Variants in ANKFN1 observed in about 807,000 individuals in gnomAD.
ANKFN1 encodes the protein ankyrin repeat and fibronectin type III domain containing 1.
ANKFN1 carries 74 observed loss-of-function variants against 108.7 expected under a neutral mutation model. That is an observed-to-expected ratio of 0.68 (90% CI 0.56 to 0.83). The LOEUF is 0.83. ANKFN1 is among the 40% of genes least tolerant of loss of function. The pLI, the probability that ANKFN1 is intolerant of heterozygous loss-of-function variation, is 0.00. For synonymous variants in ANKFN1, 547 were observed against 516.2 expected (o/e 1.06, Z -0.81); for missense variants, 1,505 against 1,382.3 (o/e 1.09, Z -1.41).
chr17:56,305,333 T>TC (rs2044790520), intron 3 of ANKFN1, among the ~76,000 whole-genome samples: 1 of 152,192 alleles, frequency 6.6e-6, no homozygotes, highest in Admixed American at 6.5e-5. Flanking sequence ...CCAAACCATA[T>TC]CGTATGGCTT....
At chr17:56,136,322 A>G (rs1025838205) in intron 4 of ANKFN1, among the ~76,000 whole-genome samples, 2 of 152,218 alleles carry the variant, frequency 1.3e-5, no homozygotes, top group African/African-American at 4.8e-5. Flanking sequence ...CAGCTATTCC[A>G]GCTGAAGGTC....
chr17:56,220,183 A>T (rs1351541706), intron 2 of ANKFN1, among the ~76,000 whole-genome samples: 1 of 152,262 alleles, frequency 6.6e-6, no homozygotes, highest in African/African-American at 2.4e-5. Flanking sequence ...GGAGGTCATC[A>T]CTTATTGATC....
chr17:56,507,641 C>T (rs978671458), intron 20 of ANKFN1, among the ~76,000 whole-genome samples: 4 of 152,186 alleles, frequency 2.6e-5, no homozygotes, highest in African/African-American at 9.7e-5. Flanking sequence ...TACCACCCAA[C>T]CCAAATCAGG....
At chr17:56,441,628 A>C (rs948145922) in intron 9 of ANKFN1, among the ~76,000 whole-genome samples, 6 of 151,976 alleles carry the variant, frequency 3.9e-5, no homozygotes, top group African/African-American at 1.4e-4. Flanking sequence ...TAAAAGAAAA[A>C]GTGATATGTG....
chr17:56,378,377 A>G (rs1420062551), intron 8 of ANKFN1, among the ~76,000 whole-genome samples: 1 of 152,184 alleles, frequency 6.6e-6, no homozygotes, highest in Non-Finnish European at 1.5e-5. Flanking sequence ...ACAAGAATGG[A>G]GAAAACCCTG....
At chr17:56,425,127 TAAA>T (rs59432133) in intron 8 of ANKFN1, among the ~76,000 whole-genome samples, 2,885 of 139,792 alleles carry the variant, frequency 0.021, 79 homozygotes, top group African/African-American at 0.069. Flanking sequence ...AGCTCTTAGT[TAAA>T]AAAAAAAAAA....
intron 3 of ANKFN1, among the ~76,000 whole-genome samples, chr17:56,292,423 G>A (rs1026701247): frequency 6.6e-6 from 1 of 152,224 alleles, no homozygotes; most frequent in Non-Finnish European, 1.5e-5. Flanking sequence ...GACCGTGCCT[G>A]GGGGAAATAA....
At chr17:56,462,486 C>T (rs1198860389) in intron 14 of ANKFN1, among the ~76,000 whole-genome samples, 4 of 152,038 alleles carry the variant, frequency 2.6e-5, no homozygotes, top group African/African-American at 4.8e-5. Flanking sequence ...CCCTGCTGCT[C>T]GGGAGGCTAA....
chr17:56,262,536 G>A (rs2043540715), intron 3 of ANKFN1, among the ~76,000 whole-genome samples: 1 of 152,196 alleles, frequency 6.6e-6, no homozygotes, highest in South Asian at 2.1e-4. Context: ...CCCATTTCAA[G>A]TCAAGACTTT....
intron 3 of ANKFN1, among the ~76,000 whole-genome samples, chr17:56,258,709 G>A (rs2144106228): frequency 6.6e-6 from 1 of 152,208 alleles, no homozygotes; most frequent in African/African-American, 2.4e-5. Flanking sequence ...AGGAGATCGA[G>A]ACCATCCTGG....
chr17:56,194,997 G>A (rs1806500569), intron 1 of ANKFN1, among the ~76,000 whole-genome samples: 2 of 152,208 alleles, frequency 1.3e-5, no homozygotes, highest in African/African-American at 2.4e-5. Flanking sequence ...AACTGAAGAT[G>A]TTTCATGAAC....
intron 8 of ANKFN1, among the ~76,000 whole-genome samples, chr17:56,433,958 C>T (rs773206070): frequency 3.3e-5 from 5 of 152,098 alleles, no homozygotes; most frequent in African/African-American, 4.8e-5. Context: ...ATTGCTTGAA[C>T]CCGGGAGGCA....
At chr17:56,163,224 T>C (rs888175573) in intron 1 of ANKFN1, among the ~76,000 whole-genome samples, 1 of 152,054 alleles carries the variant, frequency 6.6e-6, no homozygotes, top group African/African-American at 2.4e-5. Flanking sequence ...TAAAACCCTT[T>C]CTAACCGAGG....
chr17:56,278,008 C>G (rs535787771), intron 3 of ANKFN1, among the ~76,000 whole-genome samples: 1 of 152,104 alleles, frequency 6.6e-6, no homozygotes, highest in African/African-American at 2.4e-5. Context: ...TTTGAAAAAC[C>G]CTTGCTTCCT....
chr17:56,341,382 C>T (rs995915158), intron 4 of ANKFN1, among the ~76,000 whole-genome samples: 4 of 151,940 alleles, frequency 2.6e-5, no homozygotes, highest in African/African-American at 4.8e-5. Context: ...TGTTTTATGC[C>T]GGTTTTCAAG....
intron 3 of ANKFN1, among the ~76,000 whole-genome samples, chr17:56,306,160 A>G (rs1322378013): frequency 6.6e-6 from 1 of 152,192 alleles, no homozygotes; most frequent in East Asian, 1.9e-4. Flanking sequence ...TTTCAACTGT[A>G]TTTTAGAAAA....
chr17:56,111,817 G>A (rs1164111148), intron 4 of ANKFN1, among the ~76,000 whole-genome samples: 2 of 152,172 alleles, frequency 1.3e-5, no homozygotes, highest in African/African-American at 4.8e-5. Flanking sequence ...AATACTGGTG[G>A]CATAACTCAT....
chr17:56,332,985 A>G (rs556531779), intron 4 of ANKFN1, among the ~76,000 whole-genome samples: 1 of 38,424 alleles, frequency 2.6e-5, no homozygotes, highest in Admixed American at 3.0e-4. Flanking sequence ...GTGTGTATAT[A>G]TATATATATA....
At chr17:56,194,159 A>G (rs1913274305) in intron 1 of ANKFN1, among the ~76,000 whole-genome samples, 1 of 152,190 alleles carries the variant, frequency 6.6e-6, no homozygotes, top group African/African-American at 2.4e-5. Context: ...TAGGAACTCT[A>G]TTCATTGCTG....
Sources: allele counts gnomAD v4.1 joint callset (sites outside exome capture counted in the v4.1 genomes callset), GRCh38; gene constraint gnomAD v4.1.1; transcripts MANE v1.5; gene names NCBI Gene and HGNC (gene_info 2026-07-23, HGNC 2026-07-21).